The following ANKMY2 variants were observed in gnomAD, a reference collection of about 807,000 sequenced individuals.
ANKMY2 encodes ankyrin repeat and MYND domain-containing protein 2.
A neutral mutation model predicts 50.4 loss-of-function variants in ANKMY2; 36 were observed. That is an observed-to-expected ratio of 0.71 (90% CI 0.55 to 0.94). The LOEUF (loss-of-function observed/expected upper bound fraction) is 0.94. Ranked by LOEUF, ANKMY2 falls within the 40% of genes least tolerant of loss-of-function variation. The pLI is 0.00. For synonymous variants in ANKMY2, 187 were observed against 178.8 expected (o/e 1.05, Z -0.36); for missense variants, 565 against 524.0 (o/e 1.08, Z -0.76).
intron 1 of ANKMY2, 56 bp downstream of exon 1, chr7:16,645,451 C>G: frequency 1.3e-6 from 2 of 1,541,670 alleles, no homozygotes; most frequent in South Asian, 2.5e-5. Flanking sequence ...CCCCCGGGCT[C>G]CGCCACGCCC....
At chr7:16,643,264 C>G (rs1340374651) in intron 1 of ANKMY2, among the ~76,000 whole-genome samples, 1 of 152,190 alleles carries the variant, frequency 6.6e-6, no homozygotes, top group Non-Finnish European at 1.5e-5. Flanking sequence ...CATGCTGTCT[C>G]TCATACTGTC....
intron 2 of ANKMY2, among the ~76,000 whole-genome samples, chr7:16,634,812 AAAC>A (rs1289581332): frequency 6.6e-6 from 1 of 152,192 alleles, no homozygotes; most frequent in African/African-American, 2.4e-5. Flanking sequence ...TCCACCTAAC[AAAC>A]ATTAAAAACT....
intron 8 of ANKMY2, among the ~76,000 whole-genome samples, chr7:16,604,187 T>C (rs776794536): frequency 2.0e-5 from 3 of 152,202 alleles, no homozygotes; most frequent in Admixed American, 6.5e-5. Flanking sequence ...GTGTCCAGTA[T>C]CTGGATATGA....
intron 5 of ANKMY2, among the ~76,000 whole-genome samples, chr7:16,612,615 T>C (rs945285047): frequency 1.3e-5 from 2 of 152,218 alleles, no homozygotes; most frequent in African/African-American, 4.8e-5. Flanking sequence ...GTGAGAATTC[T>C]TTCAAAAAAT....
chr7:16,600,811 A>G lies in ANKMY2; in HGVS notation c.1276T>C (p.Leu426=), dbSNP rs540291279. The part of the protein sequence containing the change: ...KKESLESEAE[L]EGLQDAPAGP... ...GCAGGAGCATCCTGTAAGCCTTCCA[A>G]CTCAGCTTCGCTTTCAAGAGATTCT... Residue 426 remains leucine (L), a synonymous_variant, in exon 10 of 10, where the codon TTG becomes CTG. Coordinates refer to ENST00000306999, the MANE Select transcript of ANKMY2 (RefSeq NM_020319.3). The G allele has an allele frequency of 3.4e-5, 55 of 1,613,706 alleles. No individual in the cohort carries two copies. In the South Asian group the frequency reaches 4.4e-4, roughly 13 times the overall value.
intron 4 of ANKMY2, 111 bp downstream of exon 4, chr7:16,624,872 G>GA: frequency 1.1e-6 from 1 of 894,018 alleles, no homozygotes; most frequent in Non-Finnish European, 1.7e-6. Flanking sequence ...AAATACTTAA[G>GA]TTTTTTTAAA....
At chr7:16,618,065 C>A (rs550412403) in intron 4 of ANKMY2, among the ~76,000 whole-genome samples, 1 of 151,970 alleles carries the variant, frequency 6.6e-6, no homozygotes, top group East Asian at 1.9e-4. Context: ...GTAGCTGAGA[C>A]TACAGGTGTG....
At chr7:16,614,084 C>T (rs1562769929) in intron 5 of ANKMY2, among the ~76,000 whole-genome samples, 1 of 152,116 alleles carries the variant, frequency 6.6e-6, no homozygotes, top group Non-Finnish European at 1.5e-5. Flanking sequence ...AAGAGTCTTA[C>T]AGAACCACAC....
At position 16,640,781 on chromosome 7, in the gene ANKMY2, C is replaced by G. The variant is rs534845490; in HGVS notation, c.68-4326G>C. 2.6e-5 allele frequency among the ~76,000 whole-genome samples: 4 copies of G among 152,228 alleles called. No homozygotes were observed. The East Asian group carries it at 7.7e-4, about 29-fold the overall frequency. On this transcript the variant is annotated intron_variant, in intron 1 of 9. Coordinates refer to ENST00000306999, the MANE Select transcript of ANKMY2 (RefSeq NM_020319.3). Reference sequence around the variant, plus strand: ...TCCAAGTGATCCTCTTGGATCCTCCCAAAGTGCAGAGGGGTCACTCTACAG... The same window carrying G: ...TCCAAGTGATCCTCTTGGATCCTCCGAAAGTGCAGAGGGGTCACTCTACAG...
intron 2 of ANKMY2, among the ~76,000 whole-genome samples, chr7:16,630,843 A>C (rs1316341409): frequency 6.6e-6 from 1 of 152,198 alleles, no homozygotes; most frequent in Non-Finnish European, 1.5e-5. Flanking sequence ...AAGCCCTGAA[A>C]GGAGTTAGGG....
At chr7:16,603,657 T>C (rs1781106278) in intron 8 of ANKMY2, 1 of 471,194 alleles carries the variant, frequency 2.1e-6, no homozygotes, top group Non-Finnish European at 4.4e-6. Context: ...CAAAGTTCTC[T>C]GCACTGAAGG....
chr7:16,636,380 TA>T lies in ANKMY2; in HGVS notation c.132+10del. On this transcript the variant is annotated intron_variant, in intron 2 of 9. Coordinates refer to ENST00000306999, the MANE Select transcript of ANKMY2 (RefSeq NM_020319.3). ...GAAGTAAAATCCTTTATTAAACTTC[TA>T]AAATCTTACCTCGTCCAAACAGTTG... The T allele has an allele frequency of 2.7e-6, 4 of 1,507,242 alleles. No homozygotes were observed. Among genetic ancestry groups the T allele is most frequent in the Non-Finnish European group, 3.6e-6 (4 of 1,117,548 alleles). The allele number at this position is 1,507,242 out of a possible 1,614,324, so 93.4% of individuals were successfully genotyped here. A position where few individuals can be genotyped will look rare whatever the true frequency, so the allele number is the denominator to read the frequency against.
chr7:16,625,141 T>C, intron 3 of ANKMY2, 60 bp from the exon 4 acceptor site: 1 of 1,334,600 alleles, frequency 7.5e-7, no homozygotes, highest in Non-Finnish European at 1.1e-6. Context: ...TAAACATCCC[T>C]TTCTAAACTC....
At chr7:16,603,872 C>G (rs1353826369) in intron 8 of ANKMY2, among the ~76,000 whole-genome samples, 1 of 152,206 alleles carries the variant, frequency 6.6e-6, no homozygotes, top group African/African-American at 2.4e-5. Context: ...ACTGCCCCAG[C>G]TGAGAACAGC....
In ANKMY2 at chr7:16,604,942, A is replaced by G. The variant is rs1781127838; in HGVS notation, c.883-93T>C. Reference sequence around the variant, plus strand: ...AGCCCACGGACACTGCCGTCCTACAATGTGACACAAAAAGGAAGAAATCAT... The same window carrying G: ...AGCCCACGGACACTGCCGTCCTACAGTGTGACACAAAAAGGAAGAAATCAT... On this transcript the variant is annotated intron_variant, in intron 7 of 9. Transcript: ENST00000306999. 9 of 1,238,892 alleles carry G rather than the reference A, an allele frequency of 7.3e-6. 1 individual carries two copies. Among genetic ancestry groups the G allele is most frequent in the Middle Eastern group, 4.0e-4 (2 of 4,976 alleles). 76.7% of individuals were successfully genotyped at this position (1,238,892 alleles called of 1,614,324 possible).
intron 1 of ANKMY2, among the ~76,000 whole-genome samples, chr7:16,639,115 C>A (rs973774292): frequency 6.6e-6 from 1 of 152,138 alleles, no homozygotes; most frequent in African/African-American, 2.4e-5. Context: ...ATTTCCAATT[C>A]GGTGTTCACA....
intron 4 of ANKMY2, among the ~76,000 whole-genome samples, chr7:16,621,514 G>T (rs1781434903): frequency 6.6e-6 from 1 of 152,028 alleles, no homozygotes; most frequent in South Asian, 2.1e-4. Context: ...CTATATATCT[G>T]GGGGGAAATG....
At chr7:16,644,556 C>T (rs999974264) in intron 1 of ANKMY2, 7 of 356,948 alleles carry the variant, frequency 2.0e-5, no homozygotes, top group African/African-American at 8.8e-5. Flanking sequence ...GCATCTCTGC[C>T]ATTCGAGGAC....
chr7:16,633,335 T>C (rs1416029559), intron 2 of ANKMY2, among the ~76,000 whole-genome samples: 1 of 152,100 alleles, frequency 6.6e-6, no homozygotes, highest in Non-Finnish European at 1.5e-5. Flanking sequence ...TTCTAAATCA[T>C]TTCTTTTTTT....
Sources: gnomAD v4.1 joint callset for allele counts (sites outside exome capture counted in the v4.1 genomes callset) on GRCh38, gnomAD v4.1.1 for gene constraint, MANE v1.5 for transcripts, NCBI Gene and HGNC (gene_info 2026-07-23, HGNC 2026-07-21) for gene names.